Variants in GLI3 observed in about 807,000 individuals in gnomAD.
The protein encoded by GLI3 is GLI family zinc finger 3.
GLI3 carries 20 observed loss-of-function variants against 100.8 expected under a neutral mutation model. The ratio of observed to expected loss-of-function variants is 0.20; its 90% CI spans 0.14 to 0.29. The LOEUF is 0.29. Among genes scored for constraint, GLI3 ranks in the 10% least tolerant of loss-of-function variants. The pLI, the probability that GLI3 is intolerant of heterozygous loss-of-function variation, is 1.00. For missense variants in GLI3, 2,040 were observed against 2,128.5 expected (o/e 0.96, Z 0.82); for synonymous variants, 938 against 860.5 (o/e 1.09, Z -1.58).
chr7:42,013,956 C>T (rs1453237520), intron 10 of GLI3, among the ~76,000 whole-genome samples: 1 of 152,214 alleles, frequency 6.6e-6, no homozygotes, highest in African/African-American at 2.4e-5. Context: ...AAGCTTCTGA[C>T]TTCTCTCTGG....
At chr7:42,136,225 C>T (rs111317009) in intron 3 of GLI3, among the ~76,000 whole-genome samples, 12 of 152,264 alleles carry the variant, frequency 7.9e-5, no homozygotes, top group African/African-American at 2.9e-4. Flanking sequence ...AAAGCCACTG[C>T]ACCATTAACG....
chr7:41,975,418 T>A (rs1787483597), intron 12 of GLI3, among the ~76,000 whole-genome samples: 1 of 152,242 alleles, frequency 6.6e-6, no homozygotes. Context: ...TTAGTTTTGA[T>A]GCGTCTGAAA....
chr7:42,178,513 C>A (rs1056119041), intron 2 of GLI3, among the ~76,000 whole-genome samples: 1 of 152,150 alleles, frequency 6.6e-6, no homozygotes, highest in African/African-American at 2.4e-5. Flanking sequence ...AACTCATCAC[C>A]CCCCTTCAAG....
chr7:42,164,786 C>T lies in GLI3; in HGVS notation c.125-16318G>A, dbSNP rs1428038438. Among the ~76,000 whole-genome samples the T allele has an allele frequency of 4.6e-5, 7 of 150,802 alleles. No individual in the cohort carries two copies. In the East Asian group the frequency reaches 1.2e-3, roughly 25 times the overall value. On this transcript the variant is annotated intron_variant, in intron 2 of 14. Transcript: ENST00000395925. ...TGGAGCTTGCAGTGAGCCGAGATCA[C>T]GCCACTGCACTCCAGCCTGGGCAAC...
intron 2 of GLI3, among the ~76,000 whole-genome samples, chr7:42,182,650 A>G (rs917458074): frequency 0.014 from 754 of 54,092 alleles, 48 homozygotes; most frequent in African/African-American, 0.07. Context: ...GTGTGTATAT[A>G]TATATATATA....
rs1404736446 is a variant in GLI3 at position 41,965,346 on chromosome 7, C to G, written c.3727G>C (p.Ala1243Pro). 2 of 1,613,662 alleles carry G rather than the reference C, an allele frequency of 1.2e-6. No individual in the cohort carries two copies. Among genetic ancestry groups the G allele is most frequent in the East Asian group, 2.2e-5 (1 of 44,864 alleles). Reference protein sequence around the residue: ...NSPGSGTSGNAFHEQPCKAPQ... With the variant: ...NSPGSGTSGNPFHEQPCKAPQ... ...GCCTTACAGGGCTGTTCATGGAAGG[C>G]GTTTCCACTGGTGCCACTTCCGGGG... Residue 1243 changes from alanine (A) to proline (P), a missense_variant, in exon 15 of 15, where the codon GCC (alanine) becomes CCC (proline). Physicochemically the swap from Ala to Pro is conservative, Grantham distance 27 (BLOSUM62 -1). This residue lies in a region of GLI3 where 1,041 missense variants were observed against 924.0 expected (regional missense o/e 1.13). Coordinates refer to ENST00000395925, the MANE Select transcript of GLI3 (RefSeq NM_000168.6).
rs565045660 is a variant in GLI3 at position 42,098,962 on chromosome 7, G to A, written c.368-22105C>T. Among the ~76,000 whole-genome samples the A allele has an allele frequency of 8.5e-5, 13 of 152,246 alleles. No homozygotes were observed. The South Asian group carries it at 2.7e-3, about 32-fold the overall frequency. ...CCTTGTGGGTGATCCTAACAGTGGG[G>A]CATCCAAAAGGAAGAGCTGTCGCCA... On this transcript the variant is annotated intron_variant, in intron 3 of 14. Coordinates refer to ENST00000395925, the MANE Select transcript of GLI3 (RefSeq NM_000168.6).
At chr7:42,073,722 C>T (rs547836488) in intron 4 of GLI3, among the ~76,000 whole-genome samples, 4 of 152,046 alleles carry the variant, frequency 2.6e-5, no homozygotes, top group African/African-American at 9.7e-5. Context: ...TTAGGAGACT[C>T]GTAATTTAGT....
At chr7:42,026,975 C>T (rs1789135735) in intron 7 of GLI3, among the ~76,000 whole-genome samples, 1 of 152,236 alleles carries the variant, frequency 6.6e-6, no homozygotes, top group African/African-American at 2.4e-5. Flanking sequence ...CGTCTGGTTA[C>T]AGAAGCTGAT....
intron 10 of GLI3, among the ~76,000 whole-genome samples, chr7:41,989,111 AC>A (rs1787909002): frequency 6.6e-6 from 1 of 152,196 alleles, no homozygotes. Flanking sequence ...AAACCAGTAA[AC>A]TCTTCTTAAG....
rs773711367 is a variant in GLI3 at position 41,966,647 on chromosome 7, G to A, written c.2432-6C>T. The A allele has an allele frequency of 6.8e-6, 11 of 1,613,964 alleles. No homozygotes were observed. The highest frequency in any genetic ancestry group is 1.1e-5 in the South Asian group (1 of 91,060). Reference sequence around the variant, plus strand: ...GGTGTTGTTGGACTGTGTGCCTGGAGACAGAGAAAGGGAGAGACCATGCGG... The same window carrying A: ...GGTGTTGTTGGACTGTGTGCCTGGAAACAGAGAAAGGGAGAGACCATGCGG... On this transcript the variant is annotated splice_region_variant and splice_polypyrimidine_tract_variant and intron_variant, in intron 14 of 14. Transcript: ENST00000395925. The surrounding 1 kb of genome is among the most constrained non-coding windows in gnomAD (Gnocchi z 5.8).
chr7:42,051,927 G>A (rs542519566), intron 4 of GLI3, among the ~76,000 whole-genome samples: 207 of 152,206 alleles, frequency 1.4e-3, no homozygotes, highest in African/African-American at 4.7e-3. Context: ...TGTATCTACC[G>A]TTACAGTATC....
chr7:42,224,759 G>A (rs1788552402), intron 1 of GLI3, among the ~76,000 whole-genome samples: 1 of 152,218 alleles, frequency 6.6e-6, no homozygotes, highest in South Asian at 2.1e-4. Flanking sequence ...CACCGTGCGT[G>A]AGTCCCAAGG....
In GLI3 at chr7:41,977,941, GT is replaced by G. The variant is rs60699625; in HGVS notation, c.1648-220del. On this transcript the variant is annotated intron_variant, in intron 11 of 14. Transcript: ENST00000395925. Reference sequence around the variant, plus strand: ...TTTCAGTGCCAGTAAAAGTCCTGAAGTTTTTTTTTTTAATAGACCGCTCAAT... The same window carrying G: ...TTTCAGTGCCAGTAAAAGTCCTGAAGTTTTTTTTTTAATAGACCGCTCAAT... 170,731 of 513,898 alleles carry G rather than the reference GT, an allele frequency of 0.33. 20,875 individuals carry two copies. The highest frequency in any genetic ancestry group is 0.67 in the East Asian group (17,233 of 25,664). 31.8% of individuals were successfully genotyped at this position (513,898 alleles called of 1,614,324 possible). A position where few individuals can be genotyped will look rare whatever the true frequency, so the allele number is the denominator to read the frequency against.
intron 10 of GLI3, among the ~76,000 whole-genome samples, chr7:42,010,073 T>G (rs1788569797): frequency 6.6e-6 from 1 of 152,252 alleles, no homozygotes; most frequent in Admixed American, 6.5e-5. Flanking sequence ...AGATAATCCA[T>G]GAATGCTTAC....
chr7:42,249,937 A>C (rs1415502320), intron 1 of GLI3, among the ~76,000 whole-genome samples: 1 of 152,104 alleles, frequency 6.6e-6, no homozygotes, highest in East Asian at 1.9e-4. Context: ...TCTACAAAAA[A>C]TACAAAAATT....
chr7:41,996,617 G>A (rs1788131992), intron 10 of GLI3, among the ~76,000 whole-genome samples: 1 of 152,102 alleles, frequency 6.6e-6, no homozygotes, highest in Non-Finnish European at 1.5e-5. Flanking sequence ...AATCTGAGGG[G>A]GTATGGGGAA....
At chr7:42,197,258 T>C (rs1027410388) in intron 2 of GLI3, among the ~76,000 whole-genome samples, 5 of 152,248 alleles carry the variant, frequency 3.3e-5, no homozygotes, top group Non-Finnish European at 5.9e-5. Context: ...CCAAGATCTA[T>C]GCAGCTAAGA....
chr7:42,144,554 G>A (rs1786656070), intron 3 of GLI3, among the ~76,000 whole-genome samples: 1 of 150,528 alleles, frequency 6.6e-6, no homozygotes, highest in Non-Finnish European at 1.5e-5. Flanking sequence ...TTTTTTTTAA[G>A]CCACAAAACC....
Sources: allele counts gnomAD v4.1 joint callset (sites outside exome capture counted in the v4.1 genomes callset), GRCh38; gene constraint gnomAD v4.1.1; regional missense constraint gnomAD v4.1.1; non-coding constraint Gnocchi (gnomAD v3.1); transcripts MANE v1.5; gene names NCBI Gene and HGNC (gene_info 2026-07-23, HGNC 2026-07-21).